The following DCLK1 variants were observed in gnomAD, a reference collection of about 807,000 sequenced individuals.
The protein encoded by DCLK1 is doublecortin like kinase 1.
DCLK1 carries 16 observed loss-of-function variants against 86.2 expected under a neutral mutation model. The observed-to-expected ratio is 0.19, with a 90% CI of 0.13 to 0.28. The LOEUF is 0.28. Ranked by LOEUF, DCLK1 falls within the 10% of genes least tolerant of loss-of-function variation. The probability of loss-of-function intolerance (pLI) is 1.00; values close to 1 mark genes in which losing one functional copy is unlikely to be tolerated. For missense variants in DCLK1, 590 were observed against 940.2 expected, an observed-to-expected ratio of 0.63 and a Z score of 4.87; for synonymous variants, 369 against 370.5, an observed-to-expected ratio of 1.00 and a Z score of 0.05.
chr13:35,940,291 C>G (rs1408557053), intron 4 of DCLK1, among the ~76,000 whole-genome samples: 1 of 123,230 alleles, frequency 8.1e-6, no homozygotes, highest in Admixed American at 8.7e-5. Flanking sequence ...GAGTCCGTCT[C>G]AAAAAAAAAA....
chr13:35,919,585 T>A (rs1593733181), intron 4 of DCLK1, among the ~76,000 whole-genome samples: 1 of 152,258 alleles, frequency 6.6e-6, no homozygotes, highest in East Asian at 1.9e-4. Context: ...CATAGCCCTC[T>A]CCCAGACTCC....
chr13:36,025,820 AT>A (rs1292285020), intron 3 of DCLK1, among the ~76,000 whole-genome samples: 1 of 152,194 alleles, frequency 6.6e-6, no homozygotes, highest in East Asian at 1.9e-4. Flanking sequence ...GAATTAAAAT[AT>A]AAAAAAAAAT....
At chr13:35,882,401 A>C (rs1396176209) in intron 4 of DCLK1, among the ~76,000 whole-genome samples, 1 of 152,226 alleles carries the variant, frequency 6.6e-6, no homozygotes, top group African/African-American at 2.4e-5. Context: ...ACATTTACAC[A>C]TTGAAACCTT....
chr13:36,099,189 AACTCCTGACCTCAGGCAATCAG>A (rs1227809304), intron 3 of DCLK1, among the ~76,000 whole-genome samples: 1 of 152,004 alleles, frequency 6.6e-6, no homozygotes, highest in Non-Finnish European at 1.5e-5. Context: ...GCTGGTCTCA[AACTCCTGACCTCAGGCAATCAG>A]CCTGCCTCGG....
At chr13:35,958,179 A>G (rs1878196731) in intron 3 of DCLK1, among the ~76,000 whole-genome samples, 1 of 149,942 alleles carries the variant, frequency 6.7e-6, no homozygotes, top group Non-Finnish European at 1.5e-5. Context: ...CATCACCACT[A>G]TAACCACCAC....
At chr13:35,961,915 AT>A (rs1403746142) in intron 3 of DCLK1, among the ~76,000 whole-genome samples, 1 of 152,242 alleles carries the variant, frequency 6.6e-6, no homozygotes, top group Admixed American at 6.5e-5. Flanking sequence ...ATCGTCATAC[AT>A]GATAGCCATA....
At chr13:36,112,596 T>G (rs1210030576) in intron 2 of DCLK1, among the ~76,000 whole-genome samples, 9 of 152,334 alleles carry the variant, frequency 5.9e-5, no homozygotes, top group Admixed American at 2.6e-4. Flanking sequence ...GTACCTCCAT[T>G]TGCTACCTGA....
At chr13:36,117,584 C>T (rs1206467205) in intron 2 of DCLK1, among the ~76,000 whole-genome samples, 9 of 151,986 alleles carry the variant, frequency 5.9e-5, no homozygotes, top group Non-Finnish European at 8.8e-5. Flanking sequence ...CTTGGAGCCA[C>T]GAAAATGTTT....
At chr13:35,888,703 A>G (rs1873449950) in intron 4 of DCLK1, among the ~76,000 whole-genome samples, 2 of 152,246 alleles carry the variant, frequency 1.3e-5, no homozygotes, top group African/African-American at 4.8e-5. Flanking sequence ...CTGAAATCAG[A>G]TGATACTCTA....
intron 3 of DCLK1, among the ~76,000 whole-genome samples, chr13:35,949,920 T>C (rs1877573248): frequency 7.1e-6 from 1 of 141,300 alleles, no homozygotes; most frequent in Non-Finnish European, 1.5e-5. Context: ...AGGAATGCAA[T>C]GATTGTTAGA....
intron 4 of DCLK1, among the ~76,000 whole-genome samples, chr13:35,945,125 C>T (rs1022311904): frequency 6.6e-6 from 1 of 152,132 alleles, no homozygotes; most frequent in Admixed American, 6.5e-5. Context: ...GTCTCGAACT[C>T]CCAACCTCAG....
chr13:35,905,743 C>T (rs908541039), intron 4 of DCLK1, among the ~76,000 whole-genome samples: 10 of 151,938 alleles, frequency 6.6e-5, no homozygotes, highest in East Asian at 3.9e-4. Context: ...ATCAGGAGTT[C>T]GAGACCAGTC....
intron 3 of DCLK1, among the ~76,000 whole-genome samples, chr13:36,088,178 T>C (rs1884684733): frequency 6.6e-6 from 1 of 152,198 alleles, no homozygotes; most frequent in African/African-American, 2.4e-5. Flanking sequence ...AGCAGGTTGA[T>C]GACTAGGAGG....
At chr13:35,848,104 T>C in intron 6 of DCLK1, 1 of 985,340 alleles carries the variant, frequency 1.0e-6, no homozygotes, top group Non-Finnish European at 1.2e-6. Context: ...AACTTTGAAC[T>C]ACAGCACGAT....
chr13:36,091,201 TTTG>T (rs1340800842), intron 3 of DCLK1, among the ~76,000 whole-genome samples: 1 of 152,160 alleles, frequency 6.6e-6, no homozygotes, highest in Non-Finnish European at 1.5e-5. Context: ...TTAGATCCCA[TTTG>T]TCAATTCTGG....
intron 3 of DCLK1, among the ~76,000 whole-genome samples, chr13:36,095,169 CTT>C (rs10546610): frequency 0.1 from 14,688 of 141,540 alleles, 1,138 homozygotes; most frequent in East Asian, 0.31. Context: ...ATCTCTCTCT[CTT>C]TGTTTTTTTT....
intron 3 of DCLK1, among the ~76,000 whole-genome samples, chr13:35,956,848 T>C (rs1346875127): frequency 6.6e-6 from 1 of 152,192 alleles, no homozygotes; most frequent in African/African-American, 2.4e-5. Context: ...TTGTTGTAAA[T>C]TTAACATTTC....
chr13:36,130,558 A>T lies in DCLK1; in HGVS notation c.-20+556T>A, dbSNP rs375618927. Among the ~76,000 whole-genome samples, 7 of 152,272 alleles carry T rather than the reference A, an allele frequency of 4.6e-5. No homozygotes were observed. In the South Asian group the frequency reaches 1.0e-3, roughly 23 times the overall value. On this transcript the variant is annotated intron_variant, in intron 1 of 16. Transcript: ENST00000360631. ...TTTAGCACTGCAGGTACTAATTTGA[A>T]CATGAGGCAGCCTCGCTGTCCCTGA...
intron 8 of DCLK1, among the ~76,000 whole-genome samples, chr13:35,828,618 C>T (rs992731535): frequency 2.0e-5 from 3 of 152,176 alleles, no homozygotes; most frequent in African/African-American, 4.8e-5. Context: ...TCCAAGTGTA[C>T]TTTCCTTCCT....
Sources: gnomAD v4.1 joint callset for allele counts (sites outside exome capture counted in the v4.1 genomes callset) on GRCh38, gnomAD v4.1.1 for gene constraint, MANE v1.5 for transcripts, NCBI Gene and HGNC (gene_info 2026-07-23, HGNC 2026-07-21) for gene names.